Variants in PRMT9 observed in about 807,000 individuals in gnomAD.
PRMT9 encodes protein arginine methyltransferase 9.
A neutral mutation model predicts 83.2 loss-of-function variants in PRMT9; 59 were observed. The observed-to-expected ratio is 0.71, with a 90% CI of 0.57 to 0.88. PRMT9 has a LOEUF of 0.88. Among genes scored for constraint, PRMT9 ranks in the 40% least tolerant of loss-of-function variants. PRMT9 has a pLI of 0.00. For missense variants in PRMT9, 947 were observed against 1,021.9 expected (o/e 0.93, Z 1.00); for synonymous variants, 333 against 353.2 (o/e 0.94, Z 0.64).
At position 147,639,070 on chromosome 4, in the gene PRMT9, C is replaced by A; in HGVS notation, c.2212G>T (p.Val738Leu). ...FINQFQVPIR[V>L]FLDLSSLPCI... The stretch of plus-strand genomic sequence containing the variant: ...GGCAATGAGGATAGGTCCAAAAATA[C>A]ACGTATAGGTACCTAGAGAAAGTAT... Residue 738 changes from valine (V) to leucine (L), a missense_variant, in exon 11 of 12, where the codon GTA becomes TTA. Transcript: ENST00000322396. 6 of 1,613,458 alleles carry A rather than the reference C, an allele frequency of 3.7e-6. No homozygotes were observed. The highest frequency in any genetic ancestry group is 5.1e-6 in the Non-Finnish European group (6 of 1,179,556).
rs941830157 is a variant in PRMT9 at position 147,672,886 on chromosome 4, A to G, written c.743+73T>C. 37 of 1,310,522 alleles carry G rather than the reference A, an allele frequency of 2.8e-5. No individual in the cohort carries two copies. In the African/African-American group the frequency reaches 4.1e-4, roughly 15 times the overall value. The allele number at this position is 1,310,522 out of a possible 1,614,324, so 81.2% of individuals were successfully genotyped here. On this transcript the variant is annotated intron_variant, in intron 4 of 11. Transcript: ENST00000322396. ...GTTTTGTAGCATTTTGTTTGGACTA[A>G]AAGCTAGAAATATATCTTAGTTTTT...
chr4:147,654,422 G>C lies in PRMT9; in HGVS notation c.1475C>G (p.Ser492Trp), dbSNP rs944272685. The change falls in exon 9 of 12, where the codon TCG becomes TGG. Residue 492 changes from serine to tryptophan, a missense_variant. By Grantham distance (177) the Ser-to-Trp change is radical. Coordinates refer to ENST00000322396, the MANE Select transcript of PRMT9 (RefSeq NM_138364.4). ...ACAAAGTTCAGCCTCATTTCCTAAC[G>C]ATAACAAGTCTTTATTCTGGGTAAA... ...KSFTQNKDLL[S>W]LGNEAELCSA... The C allele has an allele frequency of 6.2e-7, 1 of 1,614,082 alleles. No homozygotes were observed. The highest frequency in any genetic ancestry group is 2.2e-5 in the East Asian group (1 of 44,882).
intron 10 of PRMT9, among the ~76,000 whole-genome samples, 171 bp downstream of exon 10, chr4:147,642,616 T>C (rs1733478627): frequency 6.6e-6 from 1 of 152,226 alleles, no homozygotes; most frequent in African/African-American, 2.4e-5. Context: ...TTTTTACCTA[T>C]AATAAGTTCC....
rs1464778282 is a variant in PRMT9 at position 147,683,796 on chromosome 4, C to T, written c.189+3G>A. On this transcript the variant is annotated splice_donor_region_variant and intron_variant, in intron 1 of 11. Coordinates refer to ENST00000322396, the MANE Select transcript of PRMT9 (RefSeq NM_138364.4). The stretch of plus-strand genomic sequence containing the variant: ...CCAGCAAGTGAGAAAAAAGGACCCT[C>T]ACCTTCACGTCGTGTTTCAGCTCCG... 6.4e-7 allele frequency: 1 copy of T among 1,567,648 alleles called. No individual in the cohort carries two copies. Among genetic ancestry groups the T allele is most frequent in the African/African-American group, 1.4e-5 (1 of 72,398 alleles).
intron 9 of PRMT9, among the ~76,000 whole-genome samples, chr4:147,651,451 C>G (rs78955113): frequency 0.011 from 1,637 of 152,166 alleles, 34 homozygotes; most frequent in African/African-American, 0.034. Flanking sequence ...AAAAGGCAAC[C>G]TATGAAGTGG....
Position 147,669,140 on chromosome 4 carries a change from G to A in PRMT9, c.847-495C>T, listed in dbSNP as rs1177921833. Among the ~76,000 whole-genome samples the A allele has an allele frequency of 1.6e-4, 24 of 151,978 alleles. 1 individual carries two copies. The stretch of plus-strand genomic sequence containing the variant: ...CTGGCAGCTCACACCTGCAATTCCA[G>A]CACTTTGGAAAGCCAAGGAGAGAGG... On this transcript the variant is annotated intron_variant, in intron 5 of 11. Coordinates refer to ENST00000322396, the MANE Select transcript of PRMT9 (RefSeq NM_138364.4).
At position 147,638,046 on chromosome 4, in the gene PRMT9, A is replaced by C. The variant is rs771757245; in HGVS notation, c.*486T>G. On this transcript the variant is annotated 3_prime_UTR_variant, in exon 12 of 12. Transcript: ENST00000322396. ...AGCTTATAGCTTAAATTCTTTTTCA[A>C]GCTTGCATTCTCAAAACAAAACCTG... 79 of 158,166 alleles carry C rather than the reference A, an allele frequency of 5.0e-4. No homozygotes were observed. Among genetic ancestry groups the C allele is most frequent in the Non-Finnish European group, 9.6e-4 (69 of 71,918 alleles). 9.8% of individuals were successfully genotyped at this position (158,166 alleles called of 1,614,324 possible). A position where few individuals can be genotyped will look rare whatever the true frequency, so the allele number is the denominator to read the frequency against.
chr4:147,653,022 T>C (rs565984757), intron 9 of PRMT9, among the ~76,000 whole-genome samples: 20 of 152,316 alleles, frequency 1.3e-4, no homozygotes, highest in African/African-American at 4.6e-4. Flanking sequence ...GTATGTGTGA[T>C]TGTGCACACA....
At chr4:147,682,638 T>C (rs1736564284) in intron 1 of PRMT9, among the ~76,000 whole-genome samples, 1 of 152,226 alleles carries the variant, frequency 6.6e-6, no homozygotes, top group Admixed American at 6.5e-5. Flanking sequence ...CCAGTAAACA[T>C]TTTTAAGAGA....
At chr4:147,658,841 G>A (rs1176686681) in intron 7 of PRMT9, among the ~76,000 whole-genome samples, 2 of 152,176 alleles carry the variant, frequency 1.3e-5, no homozygotes, top group African/African-American at 4.8e-5. Flanking sequence ...GCTCACGCCT[G>A]TAATCCCAGC....
At chr4:147,648,155 T>G (rs1733849967) in intron 9 of PRMT9, among the ~76,000 whole-genome samples, 1 of 152,122 alleles carries the variant, frequency 6.6e-6, no homozygotes. Flanking sequence ...AAGAGTATCT[T>G]CTGTATGCTA....
In PRMT9 at chr4:147,639,795, C is replaced by T. The variant is rs555460833; in HGVS notation, c.2200-713G>A. Among the ~76,000 whole-genome samples the T allele has an allele frequency of 1.4e-3, 215 of 152,250 alleles. 1 individual carries two copies. The highest frequency in any genetic ancestry group is 2.9e-3 in the Admixed American group (44 of 15,292). ...AAAAACCACTTTTCCTTGTATAAGG[C>T]GAAACAGGACACAGATACATTCACC... On this transcript the variant is annotated intron_variant, in intron 10 of 11. Coordinates refer to ENST00000322396, the MANE Select transcript of PRMT9 (RefSeq NM_138364.4).
chr4:147,682,615 A>G (rs947417574), intron 1 of PRMT9, among the ~76,000 whole-genome samples: 17 of 152,234 alleles, frequency 1.1e-4, no homozygotes, highest in Admixed American at 9.8e-4. Flanking sequence ...CAGTCTAAAT[A>G]TACTTTTAAT....
intron 2 of PRMT9, among the ~76,000 whole-genome samples, chr4:147,680,056 G>A (rs71616563): frequency 1.2e-4 from 18 of 152,168 alleles, no homozygotes; most frequent in Non-Finnish European, 2.2e-4. Context: ...AATCACAGCT[G>A]TGCCCTCTCC....
intron 2 of PRMT9, among the ~76,000 whole-genome samples, chr4:147,680,012 C>A (rs1488565230): frequency 6.6e-6 from 1 of 152,304 alleles, no homozygotes; most frequent in East Asian, 1.9e-4. Flanking sequence ...AGTTCCCTGG[C>A]AAGGCACTAC....
At chr4:147,670,406 CG>C (rs1336761921) in intron 5 of PRMT9, among the ~76,000 whole-genome samples, 1 of 152,024 alleles carries the variant, frequency 6.6e-6, no homozygotes, top group Non-Finnish European at 1.5e-5. Context: ...CTCGAACTCC[CG>C]ACCTCAGGTG....
intron 9 of PRMT9, among the ~76,000 whole-genome samples, chr4:147,648,958 G>T (rs1733917353): frequency 6.6e-6 from 1 of 152,044 alleles, no homozygotes; most frequent in Non-Finnish European, 1.5e-5. Flanking sequence ...TAAGTGTTTT[G>T]TTGTTACTTA....
intron 6 of PRMT9, among the ~76,000 whole-genome samples, chr4:147,667,801 A>G (rs1223803860): frequency 6.6e-6 from 1 of 152,210 alleles, no homozygotes; most frequent in Non-Finnish European, 1.5e-5. Flanking sequence ...TATTAAGAAA[A>G]GGGAAATTGA....
At chr4:147,655,777 C>A (rs1461032710) in intron 8 of PRMT9, among the ~76,000 whole-genome samples, 1 of 152,124 alleles carries the variant, frequency 6.6e-6, no homozygotes. Flanking sequence ...CCTACCTCAG[C>A]AGGAGGATAC....
Sources: gnomAD v4.1 joint callset for allele counts (sites outside exome capture counted in the v4.1 genomes callset) on GRCh38, gnomAD v4.1.1 for gene constraint, MANE v1.5 for transcripts, NCBI Gene and HGNC (gene_info 2026-07-23, HGNC 2026-07-21) for gene names.